GFOD1: variants seen among roughly 807,000 people sequenced by gnomAD.
GFOD1 encodes the protein glucose-fructose oxidoreductase domain-containing protein 1.
A neutral mutation model predicts 25.4 loss-of-function variants in GFOD1; 9 were observed. That is an observed-to-expected ratio of 0.35 (90% CI 0.21 to 0.62). The LOEUF (loss-of-function observed/expected upper bound fraction) is 0.62. GFOD1 is among the 20% of genes least tolerant of loss of function. The probability of loss-of-function intolerance (pLI) is 0.72; values close to 1 mark genes in which losing one functional copy is unlikely to be tolerated. For missense variants in GFOD1, 403 were observed against 556.9 expected (o/e 0.72, Z 2.78); for synonymous variants, 253 against 245.6 (o/e 1.03, Z -0.28).
chr6:13,441,378 C>T (rs1757913474), intron 1 of GFOD1, among the ~76,000 whole-genome samples: 3 of 152,194 alleles, frequency 2.0e-5, no homozygotes, highest in Admixed American at 1.3e-4. Flanking sequence ...TGATAAATCT[C>T]TTTCAAACGA....
intron 1 of GFOD1, among the ~76,000 whole-genome samples, chr6:13,398,005 A>G (rs1417510934): frequency 6.6e-6 from 1 of 152,194 alleles, no homozygotes; most frequent in Non-Finnish European, 1.5e-5. Context: ...TGCAGAAGGA[A>G]GTCTGAGAAG....
chr6:13,428,509 CG>C (rs1757684764), intron 1 of GFOD1, among the ~76,000 whole-genome samples: 5 of 24,326 alleles, frequency 2.1e-4, no homozygotes, highest in Non-Finnish European at 9.1e-4. Context: ...GCCCCCAGTG[CG>C]ATGCGATGCG....
intron 1 of GFOD1, among the ~76,000 whole-genome samples, chr6:13,450,729 C>G (rs1416367928): frequency 1.3e-5 from 2 of 152,224 alleles, no homozygotes; most frequent in Non-Finnish European, 2.9e-5. Context: ...AAATTCCAGA[C>G]TCCCAAATAG....
intron 1 of GFOD1, among the ~76,000 whole-genome samples, chr6:13,375,214 T>C (rs1785233975): frequency 6.6e-6 from 1 of 152,188 alleles, no homozygotes; most frequent in Non-Finnish European, 1.5e-5. Flanking sequence ...ATCTGAACTT[T>C]TGCACCCTTG....
chr6:13,479,890 A>G (rs1758709920), intron 1 of GFOD1, among the ~76,000 whole-genome samples: 1 of 152,246 alleles, frequency 6.6e-6, no homozygotes, highest in Non-Finnish European at 1.5e-5. Context: ...CCTTTTTCAC[A>G]TAGATCCAGA....
At chr6:13,398,509 C>A (rs1320486695) in intron 1 of GFOD1, among the ~76,000 whole-genome samples, 4 of 152,112 alleles carry the variant, frequency 2.6e-5, no homozygotes, top group Non-Finnish European at 4.4e-5. Flanking sequence ...AAAATTGTTT[C>A]AAAAAAAGTT....
chr6:13,437,543 A>G (rs1562218974), intron 1 of GFOD1, among the ~76,000 whole-genome samples: 1 of 152,252 alleles, frequency 6.6e-6, no homozygotes, highest in Non-Finnish European at 1.5e-5. Context: ...ATTAATTTAA[A>G]TGTAAATAAT....
At chr6:13,375,206 C>T (rs1785233915) in intron 1 of GFOD1, among the ~76,000 whole-genome samples, 1 of 152,200 alleles carries the variant, frequency 6.6e-6, no homozygotes, top group South Asian at 2.1e-4. Context: ...TGGGTCTGAT[C>T]TGAACTTTTG....
chr6:13,385,879 A>G (rs1376466383), intron 1 of GFOD1, among the ~76,000 whole-genome samples: 1 of 152,142 alleles, frequency 6.6e-6, no homozygotes, highest in Non-Finnish European at 1.5e-5. Flanking sequence ...ATTCCCCTTC[A>G]GTTCCCTCTC....
chr6:13,362,530 CTAT>C lies in GFOD1; in HGVS notation c.*2210_*2212del, dbSNP rs1784963931. The C allele has an allele frequency of 6.6e-6, 1 of 150,856 alleles. No homozygotes were observed. Among genetic ancestry groups the C allele is most frequent in the African/African-American group, 2.4e-5 (1 of 41,062 alleles). The allele number at this position is 150,856 out of a possible 1,614,324, so 9.3% of individuals were successfully genotyped here. A position where few individuals can be genotyped will look rare whatever the true frequency, so the allele number is the denominator to read the frequency against. ...TCCATGACATGGGCCTCTGTTCAAACTATTATTGGGAGACTTCCATTCCAGCAA... is the reference window on the plus strand; with the variant it reads ...TCCATGACATGGGCCTCTGTTCAAACTATTGGGAGACTTCCATTCCAGCAA... On this transcript the variant is annotated 3_prime_UTR_variant, in exon 2 of 2. Coordinates refer to ENST00000379287, the MANE Select transcript of GFOD1 (RefSeq NM_018988.4).
chr6:13,368,240 G>A (rs1274466196), intron 1 of GFOD1, among the ~76,000 whole-genome samples: 1 of 152,224 alleles, frequency 6.6e-6, no homozygotes, highest in Non-Finnish European at 1.5e-5. Flanking sequence ...TGAAAAGCCT[G>A]GAGCCTACAG....
At chr6:13,478,391 G>A (rs763836283) in intron 1 of GFOD1, among the ~76,000 whole-genome samples, 28 of 152,124 alleles carry the variant, frequency 1.8e-4, no homozygotes, top group Admixed American at 3.9e-4. Flanking sequence ...CCACCACCTC[G>A]GACTCCCAAA....
intron 1 of GFOD1, among the ~76,000 whole-genome samples, chr6:13,390,700 C>G (rs1050399011): frequency 6.8e-6 from 1 of 145,998 alleles, no homozygotes; most frequent in Non-Finnish European, 1.5e-5. Context: ...ATACTCCAGC[C>G]TGGTGACAGT....
In GFOD1 at chr6:13,360,776, C is replaced by T. The variant is rs1784934568; in HGVS notation, c.*3967G>A. 4.4e-6 allele frequency: 2 copies of T among 456,610 alleles called. No homozygotes were observed. The highest frequency in any genetic ancestry group is 3.1e-5 in the South Asian group (2 of 64,576). The allele number at this position is 456,610 out of a possible 1,614,324, so 28.3% of individuals were successfully genotyped here. ...AGGCTGAGTGGAGCCGCAGGTTAGT[C>T]CATGCTTGTCACAGTCCTTCCTGGG... On this transcript the variant is annotated 3_prime_UTR_variant, in exon 2 of 2. Coordinates refer to ENST00000379287, the MANE Select transcript of GFOD1 (RefSeq NM_018988.4).
At chr6:13,465,011 C>T (rs1445226725) in intron 1 of GFOD1, among the ~76,000 whole-genome samples, 1 of 152,100 alleles carries the variant, frequency 6.6e-6, no homozygotes. Context: ...TGCAGCCACA[C>T]CTGATTTCCT....
chr6:13,459,767 C>T (rs1758259950), intron 1 of GFOD1, among the ~76,000 whole-genome samples: 1 of 152,158 alleles, frequency 6.6e-6, no homozygotes, highest in Admixed American at 6.5e-5. Flanking sequence ...CATCACTGAT[C>T]GTTAGAGAAA....
chr6:13,424,584 C>T (rs761008456), intron 1 of GFOD1, among the ~76,000 whole-genome samples: 14 of 152,086 alleles, frequency 9.2e-5, no homozygotes, highest in South Asian at 2.1e-4. Context: ...GATACCCACA[C>T]GCTCTTAAGG....
chr6:13,384,911 T>C (rs1785435046), intron 1 of GFOD1, among the ~76,000 whole-genome samples: 1 of 152,236 alleles, frequency 6.6e-6, no homozygotes, highest in Non-Finnish European at 1.5e-5. Flanking sequence ...GGCTCCGTTT[T>C]ATTGAAGCTT....
At chr6:13,427,612 C>G (rs1757664527) in intron 1 of GFOD1, among the ~76,000 whole-genome samples, 1 of 152,120 alleles carries the variant, frequency 6.6e-6, no homozygotes, top group Non-Finnish European at 1.5e-5. Context: ...GATTGTACCA[C>G]TGCATTCCAG....
Sources: gnomAD v4.1 joint callset for allele counts (sites outside exome capture counted in the v4.1 genomes callset) on GRCh38, gnomAD v4.1.1 for gene constraint, MANE v1.5 for transcripts, NCBI Gene and HGNC (gene_info 2026-07-23, HGNC 2026-07-21) for gene names.